The following SCAND3 variants were observed in gnomAD, a reference collection of about 807,000 sequenced individuals.
The protein encoded by SCAND3 is SCAN domain containing 3.
chr6:28,570,980 T>C, the SCAND3 span: 3 of 152,130 alleles, frequency 2.0e-5, no homozygotes, highest in Non-Finnish European at 4.4e-5. Context: ...CCACCTAACA[T>C]AAACTTGTCA....
the SCAND3 span, chr6:28,572,211 C>T: frequency 1.4e-4 from 234 of 1,613,996 alleles, no homozygotes; most frequent in Non-Finnish European, 1.8e-4. This position sits in a 1 kb window ranked among gnomAD's most constrained non-coding sequence, Gnocchi z 4.1. Flanking sequence ...GCTTCAACAA[C>T]TTATCCTGTA....
chr6:28,603,993 A>G, the SCAND3 span, among the ~76,000 whole-genome samples: 24 of 152,178 alleles, frequency 1.6e-4, no homozygotes, highest in Non-Finnish European at 3.1e-4. Context: ...TTTCTTATAC[A>G]GTGATAGTGT....
chr6:28,581,978 T>C, the SCAND3 span, among the ~76,000 whole-genome samples: 2 of 152,212 alleles, frequency 1.3e-5, no homozygotes, highest in Non-Finnish European at 2.9e-5. Flanking sequence ...GAAACATTTA[T>C]ACAAACTTGA....
the SCAND3 span, among the ~76,000 whole-genome samples, chr6:28,577,415 G>T: frequency 6.6e-6 from 1 of 152,152 alleles, no homozygotes; most frequent in East Asian, 1.9e-4. Context: ...TTAGGGGCCT[G>T]TCAGCCACCC....
the SCAND3 span, among the ~76,000 whole-genome samples, chr6:28,602,369 C>T: frequency 6.6e-6 from 1 of 152,054 alleles, no homozygotes; most frequent in Non-Finnish European, 1.5e-5. Flanking sequence ...CCACTACACC[C>T]ACCTAGTTTT....
chr6:28,586,374 T>C, the SCAND3 span: 1 of 1,614,202 alleles, frequency 6.2e-7, no homozygotes. The surrounding 1 kb of genome is among the most constrained non-coding windows in gnomAD (Gnocchi z 4.4). Flanking sequence ...CTCAGGATTA[T>C]GCTCCCGCAC....
the SCAND3 span, chr6:28,588,012 T>C: frequency 6.6e-6 from 1 of 152,256 alleles, no homozygotes; most frequent in Non-Finnish European, 1.5e-5. The surrounding 1 kb of genome is among the most constrained non-coding windows in gnomAD (Gnocchi z 4.1). Context: ...CTGGTTCCCT[T>C]CTCCATTCTC....
the SCAND3 span, chr6:28,586,541 G>T: frequency 1.2e-6 from 2 of 1,614,250 alleles, no homozygotes; most frequent in South Asian, 2.2e-5. This position sits in a 1 kb window ranked among gnomAD's most constrained non-coding sequence, Gnocchi z 4.4. Context: ...TCTCCTGATA[G>T]CAGAACTGCC....
At chr6:28,593,988 G>A in the SCAND3 span, among the ~76,000 whole-genome samples, 17 of 152,232 alleles carry the variant, frequency 1.1e-4, no homozygotes, top group African/African-American at 3.1e-4. Flanking sequence ...CCAAGGTGCT[G>A]GGATTACAGA....
At chr6:28,586,941 G>T in the SCAND3 span, 1 of 570,890 alleles carries the variant, frequency 1.8e-6, no homozygotes, top group Non-Finnish European at 3.1e-6. This position sits in a 1 kb window ranked among gnomAD's most constrained non-coding sequence, Gnocchi z 4.4. Context: ...CCTCTGAAAA[G>T]ACCAGAAATA....
At chr6:28,615,961 G>A in the SCAND3 span, 2 of 152,116 alleles carry the variant, frequency 1.3e-5, no homozygotes, top group African/African-American at 4.8e-5. Flanking sequence ...ACATCTGGAG[G>A]GGCTAGATGT....
At chr6:28,571,968 T>C in the SCAND3 span, 1 of 1,613,888 alleles carries the variant, frequency 6.2e-7, no homozygotes, top group Non-Finnish European at 8.5e-7. Context: ...TAGGTTGGAT[T>C]GATGACAATG....
chr6:28,577,174 TA>T, the SCAND3 span, among the ~76,000 whole-genome samples: 1 of 152,120 alleles, frequency 6.6e-6, no homozygotes, highest in Non-Finnish European at 1.5e-5. Context: ...TAAAGCTTAT[TA>T]AAAGAAATTT....
the SCAND3 span, among the ~76,000 whole-genome samples, chr6:28,604,087 A>G: frequency 6.6e-6 from 1 of 152,300 alleles, no homozygotes; most frequent in African/African-American, 2.4e-5. Flanking sequence ...CTGTGTTCCA[A>G]TGGTCAAAGC....
chr6:28,609,344 C>T, the SCAND3 span, among the ~76,000 whole-genome samples: 2 of 152,166 alleles, frequency 1.3e-5, no homozygotes, highest in African/African-American at 2.4e-5. Flanking sequence ...CATACACACA[C>T]ACAAAATAGC....
At chr6:28,591,295 C>T in the SCAND3 span, 2 of 152,434 alleles carry the variant, frequency 1.3e-5, no homozygotes, top group East Asian at 1.9e-4. Flanking sequence ...CTGGGAGAGG[C>T]TGGGAGCATA....
the SCAND3 span, among the ~76,000 whole-genome samples, chr6:28,597,419 G>A: frequency 2.0e-5 from 3 of 152,162 alleles, no homozygotes; most frequent in African/African-American, 4.8e-5. Flanking sequence ...CGGCCACCTC[G>A]TCACATGCTA....
chr6:28,610,509 A>G, the SCAND3 span, among the ~76,000 whole-genome samples: 36,064 of 151,912 alleles, frequency 0.24, 5,092 homozygotes, highest in African/African-American at 0.39. Flanking sequence ...GGCAATAAGA[A>G]CAAAACTCTG....
At chr6:28,575,998 T>C in the SCAND3 span, 2 of 1,613,872 alleles carry the variant, frequency 1.2e-6, no homozygotes, top group Non-Finnish European at 1.7e-6. This position sits in a 1 kb window ranked among gnomAD's most constrained non-coding sequence, Gnocchi z 4.2. Context: ...ATTACTTTTG[T>C]TTTCCAGTAA....
Sources: gnomAD v4.1 joint callset for allele counts (sites outside exome capture counted in the v4.1 genomes callset) on GRCh38, gnomAD v4.1.1 for gene constraint, Gnocchi (gnomAD v3.1) non-coding constraint, MANE v1.5 for transcripts, NCBI Gene and HGNC (gene_info 2026-07-23, HGNC 2026-07-21) for gene names.